ZNF326: variants seen among roughly 807,000 people sequenced by gnomAD.
ZNF326 encodes the protein DBIRD complex subunit ZNF326.
Under a neutral mutation model 63.1 loss-of-function variants are expected in ZNF326, and 30 were observed. The ratio of observed to expected loss-of-function variants is 0.48; its 90% CI spans 0.36 to 0.64. The LOEUF is 0.64. Among genes scored for constraint, ZNF326 ranks in the 30% least tolerant of loss-of-function variants. The pLI is 0.00. For missense variants in ZNF326, 609 were observed against 720.3 expected (o/e 0.85, Z 1.77); for synonymous variants, 194 against 228.2 (o/e 0.85, Z 1.35).
intron 5 of ZNF326, among the ~76,000 whole-genome samples, chr1:90,008,490 G>A (rs2801993): frequency 0.099 from 15,039 of 152,170 alleles, 2,186 homozygotes; most frequent in African/African-American, 0.32. Context: ...CTAGTCCACA[G>A]TTGTTTAAGT....
intron 7 of ZNF326, among the ~76,000 whole-genome samples, chr1:90,014,776 A>G (rs1301570098): frequency 6.6e-6 from 1 of 152,150 alleles, no homozygotes; most frequent in Non-Finnish European, 1.5e-5. Context: ...TGTCCCATTC[A>G]TTATCTCTTG....
intron 8 of ZNF326, among the ~76,000 whole-genome samples, chr1:90,018,035 T>C (rs1256551683): frequency 6.6e-6 from 1 of 152,210 alleles, no homozygotes; most frequent in Non-Finnish European, 1.5e-5. Context: ...GGCTCACGCC[T>C]GTAATCACAG....
chr1:90,008,742 G>A (rs2816888), intron 5 of ZNF326, among the ~76,000 whole-genome samples: 149,702 of 152,310 alleles, frequency 0.98, 73,616 homozygotes, highest in Middle Eastern at 1. Context: ...CTGGTTATTA[G>A]CTTTTGATAT....
At position 90,003,074 on chromosome 1, in the gene ZNF326, C is replaced by T. The variant is rs557122072; in HGVS notation, c.62-1929C>T. On this transcript the variant is annotated intron_variant, in intron 2 of 11. Coordinates refer to ENST00000340281, the MANE Select transcript of ZNF326 (RefSeq NM_182976.4). The stretch of plus-strand genomic sequence containing the variant: ...TTCACTTGAAAGCATGAATTTTATC[C>T]TTGACAACAAATAATGTCGGTCGTT... Among the ~76,000 whole-genome samples, 44 of 151,694 alleles carry T rather than the reference C, an allele frequency of 2.9e-4. No homozygotes were observed. The South Asian group carries it at 9.2e-3, about 32-fold the overall frequency.
chr1:90,006,956 G>C (rs1649019925), intron 4 of ZNF326, among the ~76,000 whole-genome samples: 1 of 152,144 alleles, frequency 6.6e-6, no homozygotes, highest in South Asian at 2.1e-4. Flanking sequence ...TAAATGTTTT[G>C]TAATTTTTAA....
At position 90,005,149 on chromosome 1, in the gene ZNF326, T is replaced by C; in HGVS notation, c.114T>C (p.Tyr38=). 6.2e-7 allele frequency: 1 copy of C among 1,614,046 alleles called. No individual in the cohort carries two copies. Among genetic ancestry groups the C allele is most frequent in the South Asian group, 1.1e-5 (1 of 91,064 alleles). The part of the protein sequence containing the change: ...PGSYGGMDRD[Y]GHGSYGGQRS... Reference sequence around the variant, plus strand: ...CTCTTATAGGGATGGATCGTGACTATGGCCATGGATCCTATGGGGGTCAGA... The same window carrying C: ...CTCTTATAGGGATGGATCGTGACTACGGCCATGGATCCTATGGGGGTCAGA... Residue 38 remains tyrosine, a synonymous_variant, in exon 4 of 12, where the codon TAT becomes TAC. Transcript: ENST00000340281.
intron 6 of ZNF326, among the ~76,000 whole-genome samples, chr1:90,011,412 T>C (rs1285724086): frequency 6.6e-6 from 1 of 152,060 alleles, no homozygotes; most frequent in African/African-American, 2.4e-5. Flanking sequence ...GAAAGGAAGA[T>C]TAAATTACTT....
intron 11 of ZNF326, among the ~76,000 whole-genome samples, chr1:90,026,520 T>C (rs1209989886): frequency 1.3e-5 from 2 of 152,198 alleles, no homozygotes; most frequent in Non-Finnish European, 2.9e-5. Flanking sequence ...ATTAATAGCA[T>C]ATATACACTT....
Position 89,995,195 on chromosome 1 carries a change from A to C in ZNF326, c.-63A>C. ...GATCGTGTGGAATCGCGGGTCGCGG[A>C]CGCTCGCCGCCGGCCATAGCTCAGC... is the stretch of plus-strand genomic sequence containing the variant. On this transcript the variant is annotated 5_prime_UTR_variant, in exon 1 of 12. Transcript: ENST00000340281. 9 of 1,518,924 alleles carry C rather than the reference A, an allele frequency of 5.9e-6. No homozygotes were observed. The highest frequency in any genetic ancestry group is 6.2e-6 in the Non-Finnish European group (7 of 1,136,058). 94.1% of individuals were successfully genotyped at this position (1,518,924 alleles called of 1,614,324 possible).
In ZNF326 at chr1:90,027,846, G is replaced by T; in HGVS notation, c.*145G>T. 4 of 734,890 alleles carry T rather than the reference G, an allele frequency of 5.4e-6. No homozygotes were observed. Among genetic ancestry groups the T allele is most frequent in the Non-Finnish European group, 6.4e-6 (3 of 469,682 alleles). 45.5% of individuals were successfully genotyped at this position (734,890 alleles called of 1,614,324 possible). ...AATTTGTTTTATATAATTTCTAAAT[G>T]TTTAACATTTGTTTAATAAAATGAA... On this transcript the variant is annotated 3_prime_UTR_variant, in exon 12 of 12. Coordinates refer to ENST00000340281, the MANE Select transcript of ZNF326 (RefSeq NM_182976.4).
chr1:90,001,747 G>A (rs1648693814), intron 2 of ZNF326, among the ~76,000 whole-genome samples: 1 of 151,798 alleles, frequency 6.6e-6, no homozygotes, highest in African/African-American at 2.4e-5. Context: ...TAGTAGAGAC[G>A]GAGTTTTACC....
At position 90,034,893 on chromosome 1, in the gene ZNF326, A is replaced by G. The variant is rs1025655285; in HGVS notation, c.*7192A>G. The G allele has an allele frequency of 2.6e-5, 4 of 152,140 alleles. No individual in the cohort carries two copies. Among genetic ancestry groups the G allele is most frequent in the African/African-American group, 9.7e-5 (4 of 41,436 alleles). The allele number at this position is 152,140 out of a possible 1,614,324, so 9.4% of individuals were successfully genotyped here. ...GTTGAAAAAACATGACCAATTAAAT[A>G]TCCCAAAATAATGTGTCATGGTAGA... On this transcript the variant is annotated 3_prime_UTR_variant, in exon 12 of 12. Coordinates refer to ENST00000340281, the MANE Select transcript of ZNF326 (RefSeq NM_182976.4).
chr1:90,017,354 T>A lies in ZNF326; in HGVS notation c.964T>A (p.Phe322Ile), dbSNP rs141069411. The change falls in exon 8 of 12, where the codon TTT becomes ATT. Residue 322 changes from phenylalanine to isoleucine, a missense_variant. Physicochemically the swap from Phe to Ile is conservative, Grantham distance 21 (BLOSUM62 0). Coordinates refer to ENST00000340281, the MANE Select transcript of ZNF326 (RefSeq NM_182976.4). ...FTCSFCKFRT[F>I]EEKDIELHLE... ...ATGTTCATTTTGTAAATTTCGAACA[T>A]TTGAAGAAAAAGATATTGAACTGCA... is the stretch of plus-strand genomic sequence containing the variant. 19 of 1,604,070 alleles carry A rather than the reference T, an allele frequency of 1.2e-5. No homozygotes were observed. Among genetic ancestry groups the A allele is most frequent in the Non-Finnish European group, 1.4e-5 (16 of 1,177,164 alleles).
At chr1:90,010,375 A>G (rs939769809) in intron 6 of ZNF326, 89 bp downstream of exon 6, 5 of 1,291,492 alleles carry the variant, frequency 3.9e-6, no homozygotes, top group African/African-American at 1.5e-5. Context: ...ATGTTTATAT[A>G]CAGAAACTAC....
At chr1:90,004,836 T>C (rs991017169) in intron 2 of ZNF326, among the ~76,000 whole-genome samples, 167 bp from the exon 3 acceptor site, 2 of 149,700 alleles carry the variant, frequency 1.3e-5, no homozygotes, top group Admixed American at 6.6e-5. Context: ...TTTGATTTAG[T>C]AGCTTCTCAT....
At position 90,033,716 on chromosome 1, in the gene ZNF326, CAT is replaced by C. The variant is rs1650371904; in HGVS notation, c.*6017_*6018del. ...AAAAGATGGAAGTTACAGTAAAAGA[CAT>C]AGATGTATCTCTTAAAGACATAGAA... On this transcript the variant is annotated 3_prime_UTR_variant, in exon 12 of 12. Transcript: ENST00000340281. 1 of 152,026 alleles carries C rather than the reference CAT, an allele frequency of 6.6e-6. No individual in the cohort carries two copies. Among genetic ancestry groups the C allele is most frequent in the African/African-American group, 2.4e-5 (1 of 41,394 alleles). The allele number at this position is 152,026 out of a possible 1,614,324, so 9.4% of individuals were successfully genotyped here.
chr1:90,025,198 CA>C (rs1305476222), intron 11 of ZNF326, among the ~76,000 whole-genome samples: 2 of 152,100 alleles, frequency 1.3e-5, no homozygotes, highest in African/African-American at 4.8e-5. Context: ...GGAATGTGTT[CA>C]ATCACCCGTG....
intron 7 of ZNF326, among the ~76,000 whole-genome samples, chr1:90,015,335 G>T (rs903899975): frequency 2.0e-5 from 3 of 152,146 alleles, no homozygotes; most frequent in African/African-American, 7.2e-5. Flanking sequence ...ATAGTGTATG[G>T]TGAAGGATAC....
chr1:90,006,559 A>G (rs1173398921), intron 4 of ZNF326: 1 of 777,976 alleles, frequency 1.3e-6, no homozygotes, highest in African/African-American at 1.9e-5. Flanking sequence ...GGGTAGTTTT[A>G]TGTGATAATT....
Sources: gnomAD v4.1 joint callset for allele counts (sites outside exome capture counted in the v4.1 genomes callset) on GRCh38, gnomAD v4.1.1 for gene constraint, MANE v1.5 for transcripts, NCBI Gene and HGNC (gene_info 2026-07-23, HGNC 2026-07-21) for gene names.